SEPTIN9: variants seen among roughly 807,000 people sequenced by gnomAD.
SEPTIN9 encodes the protein septin-9.
Under a neutral mutation model 56.6 loss-of-function variants are expected in SEPTIN9, and 13 were observed. The observed-to-expected ratio is 0.23, with a 90% CI of 0.15 to 0.37. The LOEUF (loss-of-function observed/expected upper bound fraction) is 0.37. Among genes scored for constraint, SEPTIN9 ranks in the 10% least tolerant of loss-of-function variants. The probability of loss-of-function intolerance (pLI) is 1.00; values close to 1 mark genes in which losing one functional copy is unlikely to be tolerated. For missense variants in SEPTIN9, 650 were observed against 823.1 expected (o/e 0.79, Z 2.57); for synonymous variants, 332 against 334.1 (o/e 0.99, Z 0.07).
chr17:77,366,124 T>C (rs866076333), intron 2 of SEPTIN9, among the ~76,000 whole-genome samples: 2 of 152,192 alleles, frequency 1.3e-5, no homozygotes, highest in African/African-American at 4.8e-5. Context: ...CTTTAGTCAC[T>C]GGCTGCTTTG....
intron 3 of SEPTIN9, among the ~76,000 whole-genome samples, chr17:77,430,182 G>A (rs914342416): frequency 6.6e-6 from 1 of 151,854 alleles, no homozygotes; most frequent in African/African-American, 2.4e-5. Context: ...CTTGCCTTGC[G>A]GGTGCTGGCC....
Position 77,437,580 on chromosome 17 carries a change from G to A in SEPTIN9, c.721+34877G>A, listed in dbSNP as rs990175241. 3.3e-5 allele frequency among the ~76,000 whole-genome samples: 5 copies of A among 152,022 alleles called. No homozygotes were observed. Among genetic ancestry groups the A allele is most frequent in the African/African-American group, 9.7e-5 (4 of 41,370 alleles). ...CTCAGGGACCAGGTGAGGGCTTGTCGACTGCTCTGACCTCCTGATGCTTCT... is the reference window on the plus strand; with the variant it reads ...CTCAGGGACCAGGTGAGGGCTTGTCAACTGCTCTGACCTCCTGATGCTTCT... On this transcript the variant is annotated intron_variant, in intron 3 of 11. Coordinates refer to ENST00000427177, the MANE Select transcript of SEPTIN9 (RefSeq NM_001113491.2). The surrounding 1 kb of genome is among the most constrained non-coding windows in gnomAD (Gnocchi z 5.3).
At chr17:77,351,843 GGAGA>G (rs1311563600) in intron 2 of SEPTIN9, among the ~76,000 whole-genome samples, 2 of 152,262 alleles carry the variant, frequency 1.3e-5, no homozygotes, top group African/African-American at 4.8e-5. Flanking sequence ...AGTGTGAACA[GGAGA>G]GAGGAGCCCC....
chr17:77,431,278 A>T (rs1221241566), intron 3 of SEPTIN9, among the ~76,000 whole-genome samples: 1 of 152,210 alleles, frequency 6.6e-6, no homozygotes, highest in Non-Finnish European at 1.5e-5. Context: ...ACTGTACTCC[A>T]GCTCCTGGGT....
intron 3 of SEPTIN9, among the ~76,000 whole-genome samples, chr17:77,460,878 C>T (rs931855211): frequency 6.6e-6 from 1 of 152,202 alleles, no homozygotes; most frequent in African/African-American, 2.4e-5. Context: ...ACCCTTCCGG[C>T]TTCTGACTGG....
chr17:77,322,652 C>T (rs1301390280), intron 2 of SEPTIN9: 1 of 152,284 alleles, frequency 6.6e-6, no homozygotes, highest in East Asian at 1.9e-4. Context: ...CTCTGGGCCG[C>T]AGTTCCGTCA....
At chr17:77,305,314 C>T (rs900701648) in intron 1 of SEPTIN9, among the ~76,000 whole-genome samples, 1 of 152,126 alleles carries the variant, frequency 6.6e-6, no homozygotes, top group Non-Finnish European at 1.5e-5. Flanking sequence ...GGCCTCGCTT[C>T]CTCCTCTATG....
intron 2 of SEPTIN9, among the ~76,000 whole-genome samples, chr17:77,363,681 C>T (rs1240984518): frequency 6.6e-6 from 1 of 152,136 alleles, no homozygotes; most frequent in Non-Finnish European, 1.5e-5. Flanking sequence ...AGCCACTGTG[C>T]CCAGCCGAGC....
chr17:77,475,271 C>A lies in SEPTIN9; in HGVS notation c.722-6873C>A. On this transcript the variant is annotated intron_variant, in intron 3 of 11. Coordinates refer to ENST00000427177, the MANE Select transcript of SEPTIN9 (RefSeq NM_001113491.2). This position sits in a 1 kb window ranked among gnomAD's most constrained non-coding sequence, Gnocchi z 4.6. ...TACCATCGTGGGGAGACTGTCTGGA[C>A]GCAGAGAGCAGGCTCTGTGTGGGAG... 7.2e-7 allele frequency: 1 copy of A among 1,394,050 alleles called. No individual in the cohort carries two copies. Among genetic ancestry groups the A allele is most frequent in the Non-Finnish European group, 9.3e-7 (1 of 1,076,790 alleles). The allele number at this position is 1,394,050 out of a possible 1,614,324, so 86.4% of individuals were successfully genotyped here. A position where few individuals can be genotyped will look rare whatever the true frequency, so the allele number is the denominator to read the frequency against.
rs749171832 is a variant in SEPTIN9 at position 77,492,704 on chromosome 17, C to T, written c.1464C>T (p.Asn488=). Residue 488 remains asparagine (N), a synonymous_variant, in exon 9 of 12, where the codon AAC becomes AAT. Coordinates refer to ENST00000427177, the MANE Select transcript of SEPTIN9 (RefSeq NM_001113491.2). The surrounding 1 kb of genome is among the most constrained non-coding windows in gnomAD (Gnocchi z 5.4). The stretch of plus-strand genomic sequence containing the variant: ...AGGACTCGGAGGACCGGCTGGTGAA[C>T]GAGAAGTTCCGGGTGAGTGGATCCA... ...FDEDSEDRLV[N]EKFREMIPFA... The T allele has an allele frequency of 1.1e-5, 17 of 1,613,780 alleles. No individual in the cohort carries two copies. The African/African-American group carries it at 2.0e-4, about 19-fold the overall frequency.
At chr17:77,452,227 G>T (rs1052769248) in intron 3 of SEPTIN9, among the ~76,000 whole-genome samples, 1 of 152,240 alleles carries the variant, frequency 6.6e-6, no homozygotes, top group Non-Finnish European at 1.5e-5. Flanking sequence ...CAGTGAGCAG[G>T]GGCTGAGGGA....
chr17:77,475,610 AG>A lies in SEPTIN9; in HGVS notation c.722-6531del, dbSNP rs779435777. 1 of 1,613,688 alleles carries A rather than the reference AG, an allele frequency of 6.2e-7. No individual in the cohort carries two copies. The highest frequency in any genetic ancestry group is 2.2e-5 in the East Asian group (1 of 44,870). ...GGTCTGGATTCAGGGGAGCCTGCAG[AG>A]GGAGGGCAGCTGGAGGCTGCTCCAG... On this transcript the variant is annotated intron_variant, in intron 3 of 11. Coordinates refer to ENST00000427177, the MANE Select transcript of SEPTIN9 (RefSeq NM_001113491.2). The surrounding 1 kb of genome is among the most constrained non-coding windows in gnomAD (Gnocchi z 4.6).
chr17:77,343,777 C>G (rs929623762), intron 2 of SEPTIN9, among the ~76,000 whole-genome samples: 1 of 152,138 alleles, frequency 6.6e-6, no homozygotes, highest in African/African-American at 2.4e-5. Flanking sequence ...TGGAGAATTG[C>G]TTGGGGGTCG....
intron 1 of SEPTIN9, among the ~76,000 whole-genome samples, chr17:77,295,478 G>A (rs2031768538): frequency 6.6e-6 from 1 of 152,136 alleles, no homozygotes; most frequent in Non-Finnish European, 1.5e-5. Context: ...CAGAGGAGGT[G>A]GAGAGCTCCC....
intron 2 of SEPTIN9, chr17:77,377,222 G>A (rs2034962601): frequency 6.6e-6 from 1 of 152,044 alleles, no homozygotes; most frequent in Admixed American, 6.5e-5. Flanking sequence ...TGTACAAACG[G>A]GCCTCCAGGC....
At chr17:77,370,337 G>A (rs536195239) in intron 2 of SEPTIN9, among the ~76,000 whole-genome samples, 15 of 152,240 alleles carry the variant, frequency 9.9e-5, no homozygotes, top group Non-Finnish European at 1.9e-4. Flanking sequence ...GCATCACTCC[G>A]GTCTCTGCCT....
intron 2 of SEPTIN9, among the ~76,000 whole-genome samples, chr17:77,393,581 T>TTTTA (rs112226253): frequency 0.059 from 8,939 of 151,822 alleles, 683 homozygotes; most frequent in African/African-American, 0.17. Flanking sequence ...GAATCTTATT[T>TTTTA]TTTATTTATT....
In SEPTIN9 at chr17:77,476,355, G is replaced by A. The variant is rs2039214171; in HGVS notation, c.722-5789G>A. 6.6e-6 allele frequency among the ~76,000 whole-genome samples: 1 copy of A among 152,190 alleles called. No homozygotes were observed. The highest frequency in any genetic ancestry group is 2.4e-5 in the African/African-American group (1 of 41,434). ...AATAGCTGCCTCCTCTCTGGGCACT[G>A]CCTCCCAGCCAGATATCCTACAGCC... On this transcript the variant is annotated intron_variant, in intron 3 of 11. Coordinates refer to ENST00000427177, the MANE Select transcript of SEPTIN9 (RefSeq NM_001113491.2). The surrounding 1 kb of genome is among the most constrained non-coding windows in gnomAD (Gnocchi z 6.0).
Position 77,482,212 on chromosome 17 carries a change from G to A in SEPTIN9, c.790G>A (p.Ala264Thr), listed in dbSNP as rs1250021384. 3.1e-6 allele frequency: 5 copies of A among 1,612,356 alleles called. No homozygotes were observed. The highest frequency in any genetic ancestry group is 2.2e-5 in the South Asian group (2 of 90,984). Residue 264 changes from alanine (A) to threonine (T), a missense_variant, in exon 4 of 12, where the codon GCG becomes ACG. Ala to Thr is a moderately conservative substitution (Grantham distance 58). Around this residue, in one of 2 missense-constraint regions of SEPTIN9, gnomAD observed 333 missense variants for 494.0 expected, o/e 0.67. Coordinates refer to ENST00000427177, the MANE Select transcript of SEPTIN9 (RefSeq NM_001113491.2). ...CCCCAGAGATGCCGGGCTCAAGCAG[G>A]CGCCTGCATCACGGAACGAGAAGGC... ...DTPRDAGLKQ[A>T]PASRNEKAPV...
Sources: allele counts gnomAD v4.1 joint callset (sites outside exome capture counted in the v4.1 genomes callset), GRCh38; gene constraint gnomAD v4.1.1; regional missense constraint gnomAD v4.1.1; non-coding constraint Gnocchi (gnomAD v3.1); transcripts MANE v1.5; gene names NCBI Gene and HGNC (gene_info 2026-07-23, HGNC 2026-07-21).